Variants in IGF2BP2 observed in about 807,000 individuals in gnomAD.
IGF2BP2 encodes insulin-like growth factor 2 mRNA-binding protein 2.
In IGF2BP2, 17 loss-of-function variants were observed where a neutral mutation model predicts 75.8. The ratio of observed to expected loss-of-function variants is 0.22; its 90% CI spans 0.15 to 0.34. The LOEUF is 0.34. Ranked by LOEUF, IGF2BP2 falls within the 10% of genes least tolerant of loss-of-function variation. The pLI, the probability that IGF2BP2 is intolerant of heterozygous loss-of-function variation, is 1.00. For synonymous variants in IGF2BP2, 288 were observed against 295.6 expected (o/e 0.97, Z 0.26); for missense variants, 516 against 772.4 (o/e 0.67, Z 3.93).
intron 2 of IGF2BP2, among the ~76,000 whole-genome samples, chr3:185,795,208 T>C (rs1221906694): frequency 6.6e-6 from 1 of 152,224 alleles, no homozygotes; most frequent in Non-Finnish European, 1.5e-5. Flanking sequence ...CCAGTTATCT[T>C]CTATAAGTGG....
At chr3:185,649,019 TCC>T (rs1209505882) in intron 14 of IGF2BP2, among the ~76,000 whole-genome samples, 1 of 147,506 alleles carries the variant, frequency 6.8e-6, no homozygotes, top group African/African-American at 2.5e-5. Flanking sequence ...TCGGTGGGAA[TCC>T]CCCCTTTCCA....
In IGF2BP2 at chr3:185,823,224, G is replaced by A. The variant is rs759982575; in HGVS notation, c.179-11C>T. The A allele has an allele frequency of 3.1e-6, 5 of 1,603,136 alleles. No individual in the cohort carries two copies. The highest frequency in any genetic ancestry group is 2.2e-5 in the South Asian group (2 of 89,958). On this transcript the variant is annotated splice_polypyrimidine_tract_variant and intron_variant, in intron 1 of 15. Transcript: ENST00000382199. ...GCAATTCCACTTTACCTTTAAAACA[G>A]AAATTAAAGCACTCAGAACCTTGCT...
chr3:185,754,342 C>G (rs1731328901), intron 2 of IGF2BP2, among the ~76,000 whole-genome samples: 1 of 152,048 alleles, frequency 6.6e-6, no homozygotes, highest in African/African-American at 2.4e-5. Context: ...AGAAGCCAAG[C>G]AGAAGCAAGC....
chr3:185,758,606 T>C (rs1219015380), intron 2 of IGF2BP2, among the ~76,000 whole-genome samples: 2 of 152,346 alleles, frequency 1.3e-5, no homozygotes, highest in Admixed American at 6.5e-5. Context: ...ATCTGTAATG[T>C]TGGGCACTGT....
intron 2 of IGF2BP2, among the ~76,000 whole-genome samples, chr3:185,715,751 C>G (rs1183317765): frequency 6.6e-6 from 1 of 152,020 alleles, no homozygotes; most frequent in Admixed American, 6.6e-5. Context: ...TCAAGAGATT[C>G]CCCTGCCTTA....
At chr3:185,782,044 T>C (rs1379758439) in intron 2 of IGF2BP2, among the ~76,000 whole-genome samples, 1 of 152,202 alleles carries the variant, frequency 6.6e-6, no homozygotes, top group Non-Finnish European at 1.5e-5. Context: ...AGAAGGCATA[T>C]TTCCCATAAC....
intron 14 of IGF2BP2, among the ~76,000 whole-genome samples, chr3:185,648,797 A>G (rs570234127): frequency 6.6e-6 from 1 of 152,310 alleles, no homozygotes; most frequent in South Asian, 2.1e-4. Context: ...TGATCTTTCA[A>G]AAAACAATCT....
In IGF2BP2 at chr3:185,724,032, G is replaced by A. The variant is rs146647868; in HGVS notation, c.240-25685C>T. Among the ~76,000 whole-genome samples the A allele has an allele frequency of 1.7e-4, 26 of 152,292 alleles. 1 individual carries two copies. The highest frequency in any genetic ancestry group is 5.5e-4 in the African/African-American group (23 of 41,574). On this transcript the variant is annotated intron_variant, in intron 2 of 15. Coordinates refer to ENST00000382199, the MANE Select transcript of IGF2BP2 (RefSeq NM_006548.6). ...CAGAGACAAATTTCGGTAACTCTAC[G>A]TGGGGCTGCAATGAGCATGCGGTCA... is the stretch of plus-strand genomic sequence containing the variant.
chr3:185,798,541 T>C (rs971591627), intron 2 of IGF2BP2, among the ~76,000 whole-genome samples: 1 of 152,032 alleles, frequency 6.6e-6, no homozygotes, highest in African/African-American at 2.4e-5. Context: ...ACTATGGAGG[T>C]TTGTAATTAT....
rs201578910 is a variant in IGF2BP2 at position 185,644,592 on chromosome 3, G to GA, written c.*938_*939insT. 7.4e-6 allele frequency: 1 copy of GA among 134,536 alleles called. No individual in the cohort carries two copies. Among genetic ancestry groups the GA allele is most frequent in the African/African-American group, 2.9e-5 (1 of 34,228 alleles). 8.3% of individuals were successfully genotyped at this position (134,536 alleles called of 1,614,324 possible). ...ATACTCAGAGCACTGCTTTGCCTGG[G>GA]GGGGGGGGGGTGCGTAGATACGGGA... On this transcript the variant is annotated 3_prime_UTR_variant, in exon 16 of 16. Transcript: ENST00000382199.
intron 2 of IGF2BP2, among the ~76,000 whole-genome samples, chr3:185,807,743 C>G (rs1034853987): frequency 1.3e-5 from 2 of 152,170 alleles, no homozygotes; most frequent in Non-Finnish European, 2.9e-5. Flanking sequence ...CTCTCCTTGG[C>G]TTTCTTGTTT....
chr3:185,774,635 C>T (rs1560450201), intron 2 of IGF2BP2, among the ~76,000 whole-genome samples: 1 of 150,726 alleles, frequency 6.6e-6, no homozygotes, highest in Non-Finnish European at 1.5e-5. Context: ...AAAACAACTT[C>T]AAGAAACACC....
At chr3:185,732,881 C>T (rs928254350) in intron 2 of IGF2BP2, among the ~76,000 whole-genome samples, 5 of 152,160 alleles carry the variant, frequency 3.3e-5, no homozygotes, top group Non-Finnish European at 7.3e-5. Context: ...CATGTGTATA[C>T]GTTTTGAAAA....
intron 2 of IGF2BP2, among the ~76,000 whole-genome samples, chr3:185,776,555 G>A (rs1734559550): frequency 6.6e-6 from 1 of 152,188 alleles, no homozygotes; most frequent in Admixed American, 6.5e-5. Flanking sequence ...AGGGACTTAG[G>A]GACATTCAGA....
chr3:185,755,631 G>A (rs1731520553), intron 2 of IGF2BP2, among the ~76,000 whole-genome samples: 1 of 152,236 alleles, frequency 6.6e-6, no homozygotes, highest in Non-Finnish European at 1.5e-5. Context: ...GGCCTTGGGA[G>A]TCCACCTTTC....
chr3:185,663,555 G>T (rs1282782084), intron 10 of IGF2BP2, among the ~76,000 whole-genome samples: 1 of 152,056 alleles, frequency 6.6e-6, no homozygotes, highest in Non-Finnish European at 1.5e-5. Flanking sequence ...GAACTGCAGG[G>T]TTCAAGCTGC....
chr3:185,817,608 G>A (rs1277394703), intron 2 of IGF2BP2, among the ~76,000 whole-genome samples: 1 of 152,110 alleles, frequency 6.6e-6, no homozygotes, highest in Non-Finnish European at 1.5e-5. Context: ...AACCCATAGA[G>A]TCCATGCCAC....
At chr3:185,751,496 A>C (rs548368792) in intron 2 of IGF2BP2, among the ~76,000 whole-genome samples, 89 of 146,350 alleles carry the variant, frequency 6.1e-4, no homozygotes, top group African/African-American at 2.2e-3. Flanking sequence ...GAGAATTGCT[A>C]CTAGAATTCT....
chr3:185,674,135 C>T (rs549030844), intron 9 of IGF2BP2, among the ~76,000 whole-genome samples: 1 of 152,276 alleles, frequency 6.6e-6, no homozygotes, highest in Admixed American at 6.5e-5. Flanking sequence ...ACAGAAAGTG[C>T]TGCAGTGAGG....
Sources: allele counts gnomAD v4.1 joint callset (sites outside exome capture counted in the v4.1 genomes callset), GRCh38; gene constraint gnomAD v4.1.1; transcripts MANE v1.5; gene names NCBI Gene and HGNC (gene_info 2026-07-23, HGNC 2026-07-21).